Variants in L3MBTL4 observed in about 807,000 individuals in gnomAD.
L3MBTL4 encodes L3MBTL histone methyl-lysine binding protein 4, also known as lethal(3)malignant brain tumor-like protein 4.
In L3MBTL4, 70 loss-of-function variants were observed where a neutral mutation model predicts 84.5. The ratio of observed to expected loss-of-function variants is 0.83; its 90% CI spans 0.68 to 1.01. L3MBTL4 has a LOEUF of 1.01. L3MBTL4 is among the 50% of genes least tolerant of loss of function. L3MBTL4 has a pLI of 0.00. For synonymous variants in L3MBTL4, 274 were observed against 259.8 expected, an observed-to-expected ratio of 1.05 and a Z score of -0.52; for missense variants, 715 against 754.8, an observed-to-expected ratio of 0.95 and a Z score of 0.62.
At chr18:6,197,913 G>GCACC (rs1247908300) in intron 12 of L3MBTL4, among the ~76,000 whole-genome samples, 2 of 152,248 alleles carry the variant, frequency 1.3e-5, no homozygotes, top group African/African-American at 4.8e-5. Context: ...AGAAGCGTCT[G>GCACC]TTAGGTTAAG....
intron 17 of L3MBTL4, among the ~76,000 whole-genome samples, chr18:5,960,432 G>A (rs7230890): frequency 0.37 from 56,338 of 152,114 alleles, 10,742 homozygotes; most frequent in East Asian, 0.51. Flanking sequence ...CATTCTGCAA[G>A]CTTCTGCATC....
chr18:5,981,998 G>GTGTGTGTGTT (rs371721011), intron 16 of L3MBTL4, among the ~76,000 whole-genome samples: 10,383 of 128,564 alleles, frequency 0.081, 907 homozygotes, highest in East Asian at 0.32. Flanking sequence ...GTGTGTGTGT[G>GTGTGTGTGTT]TGTGTGTGTG....
intron 15 of L3MBTL4, among the ~76,000 whole-genome samples, chr18:6,083,498 T>A (rs2058150853): frequency 6.6e-6 from 1 of 152,120 alleles, no homozygotes; most frequent in Non-Finnish European, 1.5e-5. Context: ...CACAGAGGAA[T>A]TTGTATTTCA....
chr18:6,332,469 A>AG (rs2052089089), intron 1 of L3MBTL4, among the ~76,000 whole-genome samples: 1 of 152,216 alleles, frequency 6.6e-6, no homozygotes, highest in African/African-American at 2.4e-5. Context: ...TAACTCAGAA[A>AG]GGGCCCATTC....
Position 5,969,390 on chromosome 18 carries a change from C to T in L3MBTL4, c.1614+3G>A. On this transcript the variant is annotated splice_donor_region_variant and intron_variant, in intron 17 of 18. Coordinates refer to ENST00000317931, the MANE Select transcript of L3MBTL4 (RefSeq NM_001330559.2). ...GCCCTGGCCCCCCAGCAGCTCCACTCACCTCATCCACAGTCCAACGTGCCA... is the reference window on the plus strand; with the variant it reads ...GCCCTGGCCCCCCAGCAGCTCCACTTACCTCATCCACAGTCCAACGTGCCA... 6.2e-7 allele frequency: 1 copy of T among 1,613,868 alleles called. No homozygotes were observed. Among genetic ancestry groups the T allele is most frequent in the South Asian group, 1.1e-5 (1 of 91,068 alleles).
Position 5,992,218 on chromosome 18 carries a change from G to C in L3MBTL4, c.1445-22656C>G, listed in dbSNP as rs1260278768. Among the ~76,000 whole-genome samples the C allele has an allele frequency of 2.0e-5, 3 of 152,178 alleles. No homozygotes were observed. In the East Asian group the frequency reaches 5.8e-4, roughly 29 times the overall value. On this transcript the variant is annotated intron_variant, in intron 16 of 18. Coordinates refer to ENST00000317931, the MANE Select transcript of L3MBTL4 (RefSeq NM_001330559.2). ...CAATAGGGCATGATGAGGAGCCCCG[G>C]GAGGGGAGGTTTGAGCTGGGCCCTC... is the stretch of plus-strand genomic sequence containing the variant.
chr18:6,008,839 G>A (rs1198792980), intron 16 of L3MBTL4, among the ~76,000 whole-genome samples: 4 of 152,176 alleles, frequency 2.6e-5, no homozygotes, highest in African/African-American at 9.7e-5. Context: ...CTAAGTCTAG[G>A]AATGAGGCAA....
intron 16 of L3MBTL4, among the ~76,000 whole-genome samples, chr18:5,990,068 G>A (rs1466145584): frequency 6.6e-6 from 1 of 152,172 alleles, no homozygotes; most frequent in Non-Finnish European, 1.5e-5. Context: ...CTCAAAACGA[G>A]GCCTCTGAAT....
intron 10 of L3MBTL4, among the ~76,000 whole-genome samples, chr18:6,233,349 A>C (rs1419154223): frequency 6.7e-6 from 1 of 149,642 alleles, no homozygotes. Flanking sequence ...GAAATAAAGG[A>C]TATTCAATTA....
intron 12 of L3MBTL4, among the ~76,000 whole-genome samples, chr18:6,179,470 C>T (rs1319574295): frequency 6.6e-6 from 1 of 152,208 alleles, no homozygotes; most frequent in East Asian, 1.9e-4. Flanking sequence ...TGATGCCAGG[C>T]TCTGGGCTCT....
rs118172799 is a variant in L3MBTL4, at chr18:6,261,382, C to A, written c.219+2565G>T. On this transcript the variant is annotated intron_variant, in intron 5 of 18. Coordinates refer to ENST00000317931, the MANE Select transcript of L3MBTL4 (RefSeq NM_001330559.2). ...ACTTTGCTGTTACTTTCAGAGATGA[C>A]AAATATTAGAGTTCAAAAGCTTGAG... Among the ~76,000 whole-genome samples the A allele has an allele frequency of 4.7e-3, 716 of 152,296 alleles. 4 individuals carry two copies. The highest frequency in any genetic ancestry group is 9.9e-3 in the Admixed American group (151 of 15,298).
chr18:6,081,108 G>T, intron 15 of L3MBTL4, 157 bp from the exon 16 acceptor site: 1 of 504,048 alleles, frequency 2.0e-6, no homozygotes, highest in Non-Finnish European at 3.4e-6. Context: ...TTAAGTTTAA[G>T]ATTTTAAAAA....
intron 5 of L3MBTL4, among the ~76,000 whole-genome samples, chr18:6,257,732 C>T (rs947932339): frequency 1.3e-5 from 2 of 151,046 alleles, no homozygotes; most frequent in Admixed American, 6.6e-5. Flanking sequence ...CCGCAACCTC[C>T]GCTTCCCGGG....
At chr18:6,241,522 G>T in intron 7 of L3MBTL4, 73 bp from the exon 8 acceptor site, 1 of 826,898 alleles carries the variant, frequency 1.2e-6, no homozygotes, top group Non-Finnish European at 1.9e-6. Flanking sequence ...TTAGGTTGGT[G>T]CAAAAGTAAG....
intron 12 of L3MBTL4, among the ~76,000 whole-genome samples, chr18:6,195,063 AG>A (rs1430253355): frequency 1.1e-3 from 173 of 152,324 alleles, no homozygotes; most frequent in African/African-American, 4.0e-3. Context: ...ATAAGTGTAA[AG>A]TTTCTAACTA....
chr18:6,272,014 G>A (rs2048892395), intron 4 of L3MBTL4, among the ~76,000 whole-genome samples: 1 of 152,238 alleles, frequency 6.6e-6, no homozygotes, highest in Admixed American at 6.5e-5. Flanking sequence ...CTGGGAGGCA[G>A]ATGACATAAG....
In L3MBTL4 at chr18:6,403,042, G is replaced by A. The variant is rs74431855; in HGVS notation, c.-91+11759C>T. Among the ~76,000 whole-genome samples, 115 of 152,322 alleles carry A rather than the reference G, an allele frequency of 7.5e-4. No homozygotes were observed. The East Asian group carries it at 0.019, about 25-fold the overall frequency. ...TTTAAATATGTGTGGGGTTTCCTGAGTGGCATTTAAAGGACACAGGGCCAA... is the reference window on the plus strand; with the variant it reads ...TTTAAATATGTGTGGGGTTTCCTGAATGGCATTTAAAGGACACAGGGCCAA... On this transcript the variant is annotated intron_variant, in intron 1 of 18. Coordinates refer to ENST00000317931, the MANE Select transcript of L3MBTL4 (RefSeq NM_001330559.2).
At chr18:6,153,826 C>T (rs60486949) in intron 13 of L3MBTL4, among the ~76,000 whole-genome samples, 7,679 of 152,172 alleles carry the variant, frequency 0.05, 678 homozygotes, top group African/African-American at 0.18. Context: ...GAAGAAGATG[C>T]CTGCTTCCCC....
intron 10 of L3MBTL4, among the ~76,000 whole-genome samples, chr18:6,224,836 G>A (rs1256805486): frequency 6.6e-6 from 1 of 151,778 alleles, no homozygotes; most frequent in South Asian, 2.1e-4. Flanking sequence ...AGCTTGTCAG[G>A]AGCTTATTCT....
Sources: allele counts gnomAD v4.1 joint callset (sites outside exome capture counted in the v4.1 genomes callset), GRCh38; gene constraint gnomAD v4.1.1; transcripts MANE v1.5; gene names NCBI Gene and HGNC (gene_info 2026-07-23, HGNC 2026-07-21).